MYCBP2: variants seen among roughly 807,000 people sequenced by gnomAD.
The protein encoded by MYCBP2 is E3 ubiquitin-protein ligase MYCBP2.
MYCBP2 carries 120 observed loss-of-function variants against 525.3 expected under a neutral mutation model. The ratio of observed to expected loss-of-function variants is 0.23; its 90% CI spans 0.20 to 0.27. The LOEUF is 0.27. MYCBP2 is among the 10% of genes least tolerant of loss of function. The pLI is 1.00. For missense variants in MYCBP2, 4,149 were observed against 5,657.1 expected (o/e 0.73, Z 8.55); for synonymous variants, 1,894 against 1,955.8 (o/e 0.97, Z 0.83).
intron 20 of MYCBP2, among the ~76,000 whole-genome samples, chr13:77,222,200 C>A (rs936150761): frequency 2.0e-5 from 3 of 152,170 alleles, no homozygotes; most frequent in Non-Finnish European, 2.9e-5. Flanking sequence ...AGCAAAATAT[C>A]AGTTGGCATC....
intron 17 of MYCBP2, among the ~76,000 whole-genome samples, chr13:77,241,519 A>G (rs935294897): frequency 4.6e-5 from 7 of 152,164 alleles, no homozygotes; most frequent in Admixed American, 4.6e-4. Context: ...TATCAACATA[A>G]AAAATTATTA....
chr13:77,207,134 A>T (rs1202581395), intron 23 of MYCBP2, among the ~76,000 whole-genome samples: 1 of 152,186 alleles, frequency 6.6e-6, no homozygotes. Context: ...ATACCCCATT[A>T]AAAAAGTTTA....
chr13:77,304,889 A>G (rs1261883329), intron 1 of MYCBP2, among the ~76,000 whole-genome samples: 2 of 152,056 alleles, frequency 1.3e-5, no homozygotes, highest in African/African-American at 4.8e-5. Flanking sequence ...TGCTGCCCAT[A>G]AATTTGACAA....
At chr13:77,294,721 T>C (rs1438070500) in intron 2 of MYCBP2, among the ~76,000 whole-genome samples, 1 of 152,210 alleles carries the variant, frequency 6.6e-6, no homozygotes. Flanking sequence ...AGGTTTTCTG[T>C]ATATTGACAA....
At chr13:77,175,892 G>A (rs923366123) in intron 36 of MYCBP2, among the ~76,000 whole-genome samples, 1 of 151,590 alleles carries the variant, frequency 6.6e-6, no homozygotes, top group African/African-American at 2.4e-5. Context: ...GGGAGGCAGA[G>A]GTTGCAGTGA....
chr13:77,270,426 T>G lies in MYCBP2; in HGVS notation c.1058A>C (p.Lys353Thr). Residue 353 changes from lysine (K) to threonine (T), a missense_variant, in exon 6 of 83, where the codon AAG becomes ACG. Lys to Thr is a moderately conservative substitution (Grantham distance 78, BLOSUM62 -1). Coordinates refer to ENST00000544440, the MANE Select transcript of MYCBP2 (RefSeq NM_015057.5). ...NGIKKAALMHKWPLKEISVDE... is the reference protein window; with the variant it reads ...NGIKKAALMHTWPLKEISVDE... ...AACAGATATTTCTTTTAATGGCCACTTGTGCATTAAAGCTGCTTTCTTAAT... is the reference window on the plus strand; with the variant it reads ...AACAGATATTTCTTTTAATGGCCACGTGTGCATTAAAGCTGCTTTCTTAAT... The G allele has an allele frequency of 6.2e-7, 1 of 1,613,828 alleles. No homozygotes were observed. Among genetic ancestry groups the G allele is most frequent in the Non-Finnish European group, 8.5e-7 (1 of 1,179,836 alleles).
At chr13:77,188,587 C>T (rs753069824) in intron 30 of MYCBP2, among the ~76,000 whole-genome samples, 2 of 152,204 alleles carry the variant, frequency 1.3e-5, no homozygotes, top group Non-Finnish European at 2.9e-5. Flanking sequence ...AACTCTTCCA[C>T]CTAGTTCCTC....
intron 26 of MYCBP2, among the ~76,000 whole-genome samples, chr13:77,195,071 T>C (rs940496516): frequency 1.3e-5 from 2 of 152,024 alleles, no homozygotes; most frequent in Non-Finnish European, 2.9e-5. Context: ...TTATGGAAGG[T>C]GAATTGCAAG....
intron 77 of MYCBP2, among the ~76,000 whole-genome samples, chr13:77,059,060 A>ATT (rs530844904): frequency 1.0e-4 from 15 of 146,690 alleles, no homozygotes; most frequent in South Asian, 6.5e-4. Context: ...CAAAATGCAG[A>ATT]TTTTTTTTTT....
intron 15 of MYCBP2, among the ~76,000 whole-genome samples, chr13:77,250,266 G>T (rs77570008): frequency 7.9e-5 from 12 of 151,830 alleles, no homozygotes; most frequent in Non-Finnish European, 1.5e-4. Flanking sequence ...TAAAGAAAAG[G>T]CCTGTTATAT....
At chr13:77,061,881 C>T (rs1467230437) in intron 74 of MYCBP2, 91 bp from the exon 75 acceptor site, 24 of 1,279,228 alleles carry the variant, frequency 1.9e-5, no homozygotes, top group East Asian at 5.4e-5. Flanking sequence ...AAAAATAAAC[C>T]GTTATTCGGA....
intron 52 of MYCBP2, among the ~76,000 whole-genome samples, chr13:77,136,391 A>C (rs180909742): frequency 2.8e-4 from 42 of 152,232 alleles, no homozygotes; most frequent in Admixed American, 7.2e-4. Context: ...TTGTTCTAGG[A>C]TTTTATTAAA....
At chr13:77,221,323 G>A (rs2065527656) in intron 20 of MYCBP2, among the ~76,000 whole-genome samples, 1 of 152,152 alleles carries the variant, frequency 6.6e-6, no homozygotes, top group Non-Finnish European at 1.5e-5. Flanking sequence ...ATCGAAGAAT[G>A]GTGTTCACTG....
At chr13:77,324,894 C>A (rs1041481128) in intron 1 of MYCBP2, among the ~76,000 whole-genome samples, 2 of 152,202 alleles carry the variant, frequency 1.3e-5, no homozygotes, top group Non-Finnish European at 2.9e-5. Flanking sequence ...GATGTTCCTG[C>A]GGTGCCATAA....
At chr13:77,224,771 C>T (rs892077096) in intron 19 of MYCBP2, among the ~76,000 whole-genome samples, 1 of 151,954 alleles carries the variant, frequency 6.6e-6, no homozygotes, top group African/African-American at 2.4e-5. Context: ...GTATAAATGC[C>T]ATTTAATAAC....
chr13:77,175,702 T>C (rs1456944298), intron 36 of MYCBP2, among the ~76,000 whole-genome samples: 3 of 152,308 alleles, frequency 2.0e-5, no homozygotes, highest in East Asian at 1.9e-4. Context: ...GGCTCACGCT[T>C]GTAATCCCAG....
At chr13:77,165,920 A>G (rs1250641043) in intron 41 of MYCBP2, among the ~76,000 whole-genome samples, 1 of 152,222 alleles carries the variant, frequency 6.6e-6, no homozygotes, top group Non-Finnish European at 1.5e-5. Context: ...GTTTCTCTTC[A>G]CACAAGAAAG....
At chr13:77,316,449 T>C (rs2080947904) in intron 1 of MYCBP2, among the ~76,000 whole-genome samples, 1 of 152,134 alleles carries the variant, frequency 6.6e-6, no homozygotes, top group Admixed American at 6.5e-5. Flanking sequence ...AGCCAACCAA[T>C]GTTCCCAGCA....
intron 30 of MYCBP2, 40 bp from the exon 31 acceptor site, chr13:77,186,103 A>G: frequency 7.1e-7 from 1 of 1,409,038 alleles, no homozygotes; most frequent in African/African-American, 1.4e-5. Flanking sequence ...AATTAATTCA[A>G]ATGATACCAT....
Sources: gnomAD v4.1 joint callset for allele counts (sites outside exome capture counted in the v4.1 genomes callset) on GRCh38, gnomAD v4.1.1 for gene constraint, MANE v1.5 for transcripts, NCBI Gene and HGNC (gene_info 2026-07-23, HGNC 2026-07-21) for gene names.